The following NXPE2 variants were observed in gnomAD, a reference collection of about 807,000 sequenced individuals.
NXPE2 encodes the protein NXPE family member 2.
Under a neutral mutation model 34.4 loss-of-function variants are expected in NXPE2, and 34 were observed. The ratio of observed to expected loss-of-function variants is 0.99; its 90% CI spans 0.75 to 1.31. The LOEUF (loss-of-function observed/expected upper bound fraction) is 1.31, where lower values mean the gene tolerates loss of function less well. NXPE2 is among the 40% of genes most tolerant of loss of function. NXPE2 has a pLI of 0.00. For synonymous variants in NXPE2, 235 were observed against 231.3 expected (o/e 1.02, Z -0.15); for missense variants, 649 against 672.5 (o/e 0.97, Z 0.39).
the NXPE2 span, among the ~76,000 whole-genome samples, chr11:114,810,429 T>C: frequency 0.74 from 60,463 of 81,914 alleles, 23,386 homozygotes; most frequent in Non-Finnish European, 0.84. Context: ...AGAAAATCTT[T>C]GCAACCTACT....
At chr11:114,674,090 A>AACAAAC (rs1241145499), upstream of NXPE2, among the ~76,000 whole-genome samples, 3 of 131,778 alleles carry the variant, frequency 2.3e-5, no homozygotes, top group Non-Finnish European at 5.0e-5. Context: ...ACATTGTTTA[A>AACAAAC]AAACAAACAA....
At chr11:114,510,915 A>T in the NXPE2 span, among the ~76,000 whole-genome samples, 1 of 152,186 alleles carries the variant, frequency 6.6e-6, no homozygotes, top group Non-Finnish European at 1.5e-5. Flanking sequence ...GGCTCAACAG[A>T]TATTAAAATT....
chr11:114,526,197 C>T, the NXPE2 span, among the ~76,000 whole-genome samples: 1 of 152,156 alleles, frequency 6.6e-6, no homozygotes, highest in Admixed American at 6.5e-5. Context: ...CCTGGAGCCT[C>T]CAGGAAGGAA....
the NXPE2 span, among the ~76,000 whole-genome samples, chr11:114,729,435 A>T: frequency 2.6e-5 from 4 of 152,246 alleles, no homozygotes; most frequent in Admixed American, 2.6e-4. Flanking sequence ...CAGTAATGGC[A>T]TTGCTGGGTC....
the NXPE2 span, among the ~76,000 whole-genome samples, chr11:114,533,784 C>T: frequency 6.0e-4 from 91 of 152,312 alleles, no homozygotes; most frequent in African/African-American, 2.0e-3. Flanking sequence ...ACAAAGCGGC[C>T]GGGAAGCTCA....
At chr11:114,609,181 G>C in the NXPE2 span, among the ~76,000 whole-genome samples, 1 of 151,858 alleles carries the variant, frequency 6.6e-6, no homozygotes, top group Non-Finnish European at 1.5e-5. Context: ...GATAAATATT[G>C]CCTCATGGGT....
At chr11:114,491,634 T>A in the NXPE2 span, among the ~76,000 whole-genome samples, 1 of 152,178 alleles carries the variant, frequency 6.6e-6, no homozygotes, top group Admixed American at 6.5e-5. Context: ...AGAAATACCA[T>A]GTGACCCAGC....
chr11:114,789,921 G>A, the NXPE2 span, among the ~76,000 whole-genome samples: 1 of 152,190 alleles, frequency 6.6e-6, no homozygotes, highest in Non-Finnish European at 1.5e-5. Context: ...GAGCCACCTG[G>A]CAGGCATGCT....
At chr11:114,800,480 G>GTAAA in the NXPE2 span, among the ~76,000 whole-genome samples, 1 of 152,110 alleles carries the variant, frequency 6.6e-6, no homozygotes, top group Non-Finnish European at 1.5e-5. Flanking sequence ...TGCTTTTCCT[G>GTAAA]TAAAGTGCCT....
the NXPE2 span, among the ~76,000 whole-genome samples, chr11:114,632,887 A>C: frequency 9.6e-5 from 8 of 83,734 alleles, no homozygotes; most frequent in African/African-American, 3.6e-4. Flanking sequence ...ATTATATATT[A>C]TATAATTTTA....
At chr11:114,679,080 A>G (rs1249071094) in intron 1 of NXPE2, among the ~76,000 whole-genome samples, 1 of 152,002 alleles carries the variant, frequency 6.6e-6, no homozygotes, top group Non-Finnish European at 1.5e-5. Context: ...TGAGTTTTTT[A>G]AAGACTGTAA....
chr11:114,620,655 C>T, the NXPE2 span, among the ~76,000 whole-genome samples: 1 of 151,352 alleles, frequency 6.6e-6, no homozygotes, highest in East Asian at 2.0e-4. Context: ...GTGGATTACC[C>T]AGTGGAGAAT....
At chr11:114,695,292 G>T (rs1404102779) in intron 2 of NXPE2, among the ~76,000 whole-genome samples, 1 of 152,156 alleles carries the variant, frequency 6.6e-6, no homozygotes, top group Non-Finnish European at 1.5e-5. Flanking sequence ...TGTAAGATGT[G>T]CAGGAGGGGA....
the NXPE2 span, among the ~76,000 whole-genome samples, chr11:114,502,342 T>C: frequency 3.9e-5 from 6 of 152,206 alleles, no homozygotes; most frequent in South Asian, 2.1e-4. Flanking sequence ...ATTCTAGACT[T>C]TCTCATTATA....
chr11:114,533,198 G>T, the NXPE2 span, among the ~76,000 whole-genome samples: 1 of 152,100 alleles, frequency 6.6e-6, no homozygotes, highest in East Asian at 1.9e-4. Context: ...TGTTTGCAAA[G>T]AAACCAGAGT....
the NXPE2 span, among the ~76,000 whole-genome samples, chr11:114,511,639 T>C: frequency 6.6e-6 from 1 of 152,210 alleles, no homozygotes. Flanking sequence ...TTTGGATATT[T>C]ATCCCCTCCA....
the NXPE2 span, among the ~76,000 whole-genome samples, chr11:114,757,006 A>T: frequency 6.6e-6 from 1 of 152,268 alleles, no homozygotes; most frequent in South Asian, 2.1e-4. Flanking sequence ...TCTTCTGTCC[A>T]CAATAGTCCT....
chr11:114,709,866 C>A (rs575347723), downstream of NXPE2, among the ~76,000 whole-genome samples: 3 of 151,630 alleles, frequency 2.0e-5, no homozygotes, highest in South Asian at 6.3e-4. Flanking sequence ...CATGCCATTT[C>A]ATTCCAGCCT....
the NXPE2 span, among the ~76,000 whole-genome samples, chr11:114,793,346 C>G: frequency 6.6e-6 from 1 of 151,828 alleles, no homozygotes; most frequent in African/African-American, 2.4e-5. Context: ...TTTTCTCTCC[C>G]AGGCAAAATT....
Sources: allele counts gnomAD v4.1 joint callset (sites outside exome capture counted in the v4.1 genomes callset), GRCh38; gene constraint gnomAD v4.1.1; transcripts MANE v1.5; gene names NCBI Gene and HGNC (gene_info 2026-07-23, HGNC 2026-07-21).